The following LYN variants were observed in gnomAD, a reference collection of about 807,000 sequenced individuals.
LYN encodes the protein LYN proto-oncogene, Src family tyrosine kinase.
A neutral mutation model predicts 65.0 loss-of-function variants in LYN; 12 were observed. The observed-to-expected ratio is 0.18, with a 90% CI of 0.12 to 0.30. The LOEUF is 0.30. Among genes scored for constraint, LYN ranks in the 10% least tolerant of loss-of-function variants. The pLI, the probability that LYN is intolerant of heterozygous loss-of-function variation, is 1.00. For missense variants in LYN, 380 were observed against 623.2 expected (o/e 0.61, Z 4.16); for synonymous variants, 222 against 221.2 (o/e 1.00, Z -0.03).
At chr8:55,911,982 G>T (rs779433514) in intron 1 of LYN, among the ~76,000 whole-genome samples, 3 of 152,044 alleles carry the variant, frequency 2.0e-5, no homozygotes, top group African/African-American at 7.3e-5. Flanking sequence ...CAATATCGTC[G>T]TGGTGTGTTC....
chr8:55,975,023 G>A lies in LYN; in HGVS notation c.1050+5230G>A, dbSNP rs148218082. ...TACTGAGGCCTACACATTCCCAATC[G>A]CTCTTTCAAGCACAAGAGGCTCCTT... On this transcript the variant is annotated intron_variant, in intron 10 of 12. Coordinates refer to ENST00000519728, the MANE Select transcript of LYN (RefSeq NM_002350.4). Among the ~76,000 whole-genome samples, 209 of 152,180 alleles carry A rather than the reference G, an allele frequency of 1.4e-3. 1 individual carries two copies. The highest frequency in any genetic ancestry group is 4.6e-3 in the African/African-American group (191 of 41,516).
intron 10 of LYN, among the ~76,000 whole-genome samples, chr8:55,984,031 T>G (rs934710782): frequency 4.6e-5 from 7 of 152,170 alleles, no homozygotes; most frequent in Admixed American, 6.5e-5. Flanking sequence ...TTCCATTCCA[T>G]GTCTTGTTGA....
At chr8:55,883,744 A>G (rs1036237841) in intron 1 of LYN, among the ~76,000 whole-genome samples, 6 of 152,196 alleles carry the variant, frequency 3.9e-5, no homozygotes, top group Non-Finnish European at 8.8e-5. Flanking sequence ...ACACCTGATC[A>G]TTTTGAGCAC....
rs979211510 is a variant in LYN, at chr8:55,951,642, G to C, written c.488-324G>C. ...ATTGTGCCACTCTACTCTAGCCTGGGTGACAGAGCAACAACCTATTTCAAA... is the reference window on the plus strand; with the variant it reads ...ATTGTGCCACTCTACTCTAGCCTGGCTGACAGAGCAACAACCTATTTCAAA... On this transcript the variant is annotated intron_variant, in intron 6 of 12. Transcript: ENST00000519728. Among the ~76,000 whole-genome samples, 4 of 150,222 alleles carry C rather than the reference G, an allele frequency of 2.7e-5. No individual in the cohort carries two copies. In the South Asian group the frequency reaches 8.3e-4, roughly 31 times the overall value.
chr8:55,881,779 T>C (rs1804659679), intron 1 of LYN, among the ~76,000 whole-genome samples: 1 of 152,184 alleles, frequency 6.6e-6, no homozygotes, highest in South Asian at 2.1e-4. Flanking sequence ...TTATATTGAT[T>C]TGTCTGCAGG....
At chr8:55,969,092 G>A (rs1442100584) in intron 9 of LYN, among the ~76,000 whole-genome samples, 1 of 152,144 alleles carries the variant, frequency 6.6e-6, no homozygotes, top group Non-Finnish European at 1.5e-5. Context: ...ACCAGCCTGG[G>A]CAACATGGTG....
rs1195455989 is a variant in LYN at position 56,010,961 on chromosome 8, T to G, written c.*851T>G. 8.6e-6 allele frequency: 2 copies of G among 232,166 alleles called. No homozygotes were observed. The highest frequency in any genetic ancestry group is 8.5e-6 in the Non-Finnish European group (1 of 117,404). The allele number at this position is 232,166 out of a possible 1,614,324, so 14.4% of individuals were successfully genotyped here. A position where few individuals can be genotyped will look rare whatever the true frequency, so the allele number is the denominator to read the frequency against. On this transcript the variant is annotated 3_prime_UTR_variant, in exon 13 of 13. Transcript: ENST00000519728. Reference sequence around the variant, plus strand: ...TCCAGATTTGTTTTGACAATGTAGTTTGGAAGAACTAAGATTCTAATCTCT... The same window carrying G: ...TCCAGATTTGTTTTGACAATGTAGTGTGGAAGAACTAAGATTCTAATCTCT...
At chr8:55,970,348 A>G (rs1807578670) in intron 10 of LYN, among the ~76,000 whole-genome samples, 3 of 152,084 alleles carry the variant, frequency 2.0e-5, no homozygotes, top group Admixed American at 2.0e-4. Flanking sequence ...TTGGAATCAC[A>G]TGTTTCCTGA....
chr8:55,969,224 A>G (rs1807542962), intron 9 of LYN, among the ~76,000 whole-genome samples: 2 of 152,230 alleles, frequency 1.3e-5, no homozygotes, highest in African/African-American at 2.4e-5. Context: ...AGTGAGATGT[A>G]ATCATGCCAC....
chr8:55,950,210 A>G (rs1158569396), intron 4 of LYN, among the ~76,000 whole-genome samples: 4 of 152,222 alleles, frequency 2.6e-5, no homozygotes, highest in African/African-American at 9.6e-5. Flanking sequence ...GCTTTTACAA[A>G]TAAGGATGCT....
At chr8:55,922,798 C>T (rs1392127840) in intron 1 of LYN, among the ~76,000 whole-genome samples, 3 of 151,674 alleles carry the variant, frequency 2.0e-5, no homozygotes, top group East Asian at 1.9e-4. Flanking sequence ...TATGAAGTAA[C>T]ATGAAAATAG....
At chr8:55,906,121 A>T (rs1394143112) in intron 1 of LYN, among the ~76,000 whole-genome samples, 1 of 152,106 alleles carries the variant, frequency 6.6e-6, no homozygotes, top group Non-Finnish European at 1.5e-5. Context: ...CGCCCTGTAA[A>T]CTCTGGGCAA....
intron 12 of LYN, among the ~76,000 whole-genome samples, chr8:56,003,484 G>C (rs986144439): frequency 6.6e-6 from 1 of 152,084 alleles, no homozygotes; most frequent in African/African-American, 2.4e-5. Flanking sequence ...GGACAACATG[G>C]CCAAACCCTG....
Position 55,950,482 on chromosome 8 carries a change from A to T in LYN, c.308A>T (p.Lys103Met). Residue 103 changes from lysine (K) to methionine (M), a missense_variant, in exon 5 of 13, where the codon AAG becomes ATG. Lys to Met is a moderately conservative substitution (Grantham distance 95, BLOSUM62 -1). Coordinates refer to ENST00000519728, the MANE Select transcript of LYN (RefSeq NM_002350.4). ...LEEHGEWWKAKSLLTKKEGFI... is the reference protein window; with the variant it reads ...LEEHGEWWKAMSLLTKKEGFI... ...AGGCATGGAGAATGGTGGAAAGCAA[A>T]GTCCCTTTTAACAAAAAAAGAAGGC... 6.2e-7 allele frequency: 1 copy of T among 1,612,906 alleles called. No individual in the cohort carries two copies. Among genetic ancestry groups the T allele is most frequent in the Non-Finnish European group, 8.5e-7 (1 of 1,179,696 alleles).
intron 8 of LYN, among the ~76,000 whole-genome samples, chr8:55,963,702 G>A (rs2130517824): frequency 6.6e-6 from 1 of 152,304 alleles, no homozygotes; most frequent in Admixed American, 6.5e-5. Flanking sequence ...TTACTCATAT[G>A]AATTTCTTCT....
intron 1 of LYN, among the ~76,000 whole-genome samples, chr8:55,922,211 C>A (rs537596686): frequency 2.6e-5 from 4 of 152,286 alleles, no homozygotes; most frequent in African/African-American, 7.2e-5. Context: ...CCTCAGCCTC[C>A]TGAGTAGCTG....
intron 10 of LYN, among the ~76,000 whole-genome samples, chr8:55,994,594 G>A (rs1808326949): frequency 6.6e-6 from 1 of 152,182 alleles, no homozygotes; most frequent in South Asian, 2.1e-4. Context: ...CTGGGTCCCT[G>A]CCATCATGCC....
In LYN at chr8:55,950,551, C is replaced by T. The variant is rs576253860; in HGVS notation, c.377C>T (p.Thr126Ile). The T allele has an allele frequency of 3.7e-6, 6 of 1,613,198 alleles. No homozygotes were observed. The Admixed American group carries it at 8.4e-5, about 22-fold the overall frequency. The change falls in exon 5 of 13, where the codon ACA (threonine) becomes ATA (isoleucine). Residue 126 changes from threonine to isoleucine, a missense_variant. This residue lies in a region of LYN where 157 missense variants were observed against 193.2 expected (regional missense o/e 0.81). Coordinates refer to ENST00000519728, the MANE Select transcript of LYN (RefSeq NM_002350.4). ...NYVAKLNTLETEEWFFKDITR... is the reference protein window; with the variant it reads ...NYVAKLNTLEIEEWFFKDITR... Reference sequence around the variant, plus strand: ...GTGGCCAAACTCAACACCTTAGAAACAGAAGAGTGAGTCCTCATGTGTTGT... The same window carrying T: ...GTGGCCAAACTCAACACCTTAGAAATAGAAGAGTGAGTCCTCATGTGTTGT...
chr8:55,971,229 C>T (rs983450839), intron 10 of LYN, among the ~76,000 whole-genome samples: 1 of 152,202 alleles, frequency 6.6e-6, no homozygotes, highest in African/African-American at 2.4e-5. Flanking sequence ...CCTTTTTAGC[C>T]CTGTCCTCAA....
Sources: allele counts gnomAD v4.1 joint callset (sites outside exome capture counted in the v4.1 genomes callset), GRCh38; gene constraint gnomAD v4.1.1; regional missense constraint gnomAD v4.1.1; transcripts MANE v1.5; gene names NCBI Gene and HGNC (gene_info 2026-07-23, HGNC 2026-07-21).